The following PRKAR1A variants were observed in gnomAD, a reference collection of about 807,000 sequenced individuals.
The protein encoded by PRKAR1A is protein kinase cAMP-dependent type I regulatory subunit alpha, also known as cAMP-dependent protein kinase type I-alpha regulatory subunit.
PRKAR1A carries 3 observed loss-of-function variants against 52.0 expected under a neutral mutation model. The ratio of observed to expected loss-of-function variants is 0.06; its 90% CI spans 0.03 to 0.15. The LOEUF is 0.15. Ranked by LOEUF, PRKAR1A falls within the 10% of genes least tolerant of loss-of-function variation. The pLI, the probability that PRKAR1A is intolerant of heterozygous loss-of-function variation, is 1.00. For missense variants in PRKAR1A, 240 were observed against 477.4 expected, an observed-to-expected ratio of 0.50 and a Z score of 4.63; for synonymous variants, 188 against 168.4, an observed-to-expected ratio of 1.12 and a Z score of -0.90.
the PRKAR1A span, chr17:68,428,992 G>T: frequency 7.3e-7 from 1 of 1,371,320 alleles, no homozygotes. Flanking sequence ...CGATGGATTC[G>T]CTTCCAATGA....
chr17:68,436,107 A>T, the PRKAR1A span, among the ~76,000 whole-genome samples: 1 of 152,268 alleles, frequency 6.6e-6, no homozygotes, highest in Non-Finnish European at 1.5e-5. Context: ...GGCATGGGAC[A>T]GGGTGACACA....
intron 3 of PRKAR1A, 104 bp downstream of exon 3, chr17:68,523,030 C>T (rs902594165): frequency 2.9e-6 from 4 of 1,368,616 alleles, no homozygotes; most frequent in Admixed American, 3.9e-5. Flanking sequence ...CAGGGTGGAA[C>T]TTCATCCATC....
chr17:68,547,438 T>A (rs1277909753), intron 11 of PRKAR1A, among the ~76,000 whole-genome samples: 1 of 152,118 alleles, frequency 6.6e-6, no homozygotes, highest in Non-Finnish European at 1.5e-5. Flanking sequence ...AATAGAAGGC[T>A]GTTTCATCTA....
At chr17:68,490,678 C>T in the PRKAR1A span, among the ~76,000 whole-genome samples, 4 of 151,814 alleles carry the variant, frequency 2.6e-5, no homozygotes, top group South Asian at 2.1e-4. Context: ...TATGGAGATG[C>T]GATTACCCAT....
chr17:68,527,926 G>A (rs1230680621), intron 8 of PRKAR1A, 26 bp downstream of exon 8: 1 of 1,573,618 alleles, frequency 6.4e-7, no homozygotes, highest in Admixed American at 1.7e-5. Context: ...TGTTAACTTT[G>A]CTAGTATGTG....
intron 2 of PRKAR1A, among the ~76,000 whole-genome samples, chr17:68,518,956 G>T (rs192320358): frequency 1.3e-5 from 2 of 152,114 alleles, no homozygotes; most frequent in Admixed American, 1.3e-4. Context: ...TTTGCATAGC[G>T]AGAGTCACCT....
the PRKAR1A span, chr17:68,424,585 A>G: frequency 3.6e-5 from 18 of 499,554 alleles, no homozygotes; most frequent in Admixed American, 2.2e-4. Context: ...TGGCCCAAAC[A>G]CTACTTCCGG....
At chr17:68,434,471 C>G in the PRKAR1A span, 1 of 1,445,242 alleles carries the variant, frequency 6.9e-7, no homozygotes, top group Non-Finnish European at 9.5e-7. Context: ...CAGAGCCACT[C>G]TCTGTCCTCT....
chr17:68,424,170 A>C, the PRKAR1A span, among the ~76,000 whole-genome samples: 1 of 152,226 alleles, frequency 6.6e-6, no homozygotes, highest in Non-Finnish European at 1.5e-5. Context: ...GAGGTTTTGA[A>C]GTTTATAATT....
At chr17:68,523,923 A>T in intron 4 of PRKAR1A, 93 bp from the exon 5 acceptor site, 1 of 1,581,418 alleles carries the variant, frequency 6.3e-7, no homozygotes, top group Non-Finnish European at 8.7e-7. Flanking sequence ...TGTTCACCAG[A>T]TGACAGTCTG....
chr17:68,421,670 C>G, the PRKAR1A span: 1 of 1,527,546 alleles, frequency 6.5e-7, no homozygotes, highest in South Asian at 1.1e-5. Flanking sequence ...GATTCCTGCC[C>G]CCCTTTCTGC....
the PRKAR1A span, among the ~76,000 whole-genome samples, chr17:68,418,366 A>G: frequency 2.6e-5 from 4 of 152,196 alleles, no homozygotes; most frequent in Non-Finnish European, 4.4e-5. Context: ...CCTAGCATGA[A>G]CTGTTTGTCA....
At chr17:68,445,466 G>A in the PRKAR1A span, among the ~76,000 whole-genome samples, 1 of 152,242 alleles carries the variant, frequency 6.6e-6, no homozygotes, top group South Asian at 2.1e-4. Context: ...CTTTTGGGCC[G>A]CTGTCTGAGC....
chr17:68,477,648 A>G, the PRKAR1A span, among the ~76,000 whole-genome samples: 3 of 143,950 alleles, frequency 2.1e-5, no homozygotes, highest in South Asian at 2.1e-4. Context: ...ACTTCCCTTC[A>G]TTTTTTCTCC....
the PRKAR1A span, among the ~76,000 whole-genome samples, chr17:68,489,272 A>ATATATATATATATGGAAAG: frequency 1.2e-4 from 2 of 16,940 alleles, no homozygotes; most frequent in African/African-American, 2.4e-4. Flanking sequence ...GAAAGTATAT[A>ATATATATATATATGGAAAG]TATATATATA....
chr17:68,420,415 T>A, the PRKAR1A span: 9 of 1,614,022 alleles, frequency 5.6e-6, no homozygotes, highest in Middle Eastern at 1.6e-4. Flanking sequence ...CTTCAGTAAC[T>A]CCCTGCTGTA....
upstream of PRKAR1A, among the ~76,000 whole-genome samples, chr17:68,507,407 C>T (rs1447804254): frequency 6.6e-6 from 1 of 152,144 alleles, no homozygotes; most frequent in South Asian, 2.1e-4. Flanking sequence ...AACAGAAAAC[C>T]AAACACCTTA....
chr17:68,534,317 C>T (rs952875963), downstream of PRKAR1A, among the ~76,000 whole-genome samples: 4 of 152,050 alleles, frequency 2.6e-5, no homozygotes, highest in East Asian at 1.9e-4. Flanking sequence ...TTTTAATCTT[C>T]GTTAATCTCA....
At chr17:68,457,565 TCCCCACCCCGCC>T in the PRKAR1A span, 3 of 94,576 alleles carry the variant, frequency 3.2e-5, no homozygotes, top group African/African-American at 8.9e-4. Flanking sequence ...CCCCGCCCCG[TCCCCACCCCGCC>T]CCTACCCCGC....
Sources: allele counts gnomAD v4.1 joint callset (sites outside exome capture counted in the v4.1 genomes callset), GRCh38; gene constraint gnomAD v4.1.1; transcripts MANE v1.5; gene names NCBI Gene and HGNC (gene_info 2026-07-23, HGNC 2026-07-21).